The following SELENOI variants were observed in gnomAD, a reference collection of about 807,000 sequenced individuals.
SELENOI encodes the protein selenoprotein I, also known as ethanolaminephosphotransferase 1.
In SELENOI, 24 loss-of-function variants were observed where a neutral mutation model predicts 50.7. That is an observed-to-expected ratio of 0.47 (90% CI 0.34 to 0.67). The LOEUF (loss-of-function observed/expected upper bound fraction) is 0.67, where lower values mean the gene tolerates loss of function less well. Ranked by LOEUF, SELENOI falls within the 30% of genes least tolerant of loss-of-function variation. The pLI is 0.01. For missense variants in SELENOI, 352 were observed against 461.4 expected (o/e 0.76, Z 2.17); for synonymous variants, 155 against 170.2 (o/e 0.91, Z 0.70).
chr2:26,349,345 C>T (rs1373273892), intron 1 of SELENOI, among the ~76,000 whole-genome samples: 32 of 100,186 alleles, frequency 3.2e-4, no homozygotes, highest in Admixed American at 4.3e-4. Context: ...TTGCTTTTGT[C>T]GCCCAGGCTG....
intron 3 of SELENOI, among the ~76,000 whole-genome samples, chr2:26,365,795 CTTTTTTTTTT>C (rs55900237): frequency 1.6e-4 from 17 of 108,384 alleles, no homozygotes; most frequent in South Asian, 9.3e-4. Context: ...ACACTTAAGA[CTTTTTTTTTT>C]TTTTTTTTTT....
intron 1 of SELENOI, among the ~76,000 whole-genome samples, chr2:26,349,670 G>GTTTTTTTTT (rs372398913): frequency 3.5e-5 from 4 of 115,166 alleles, no homozygotes; most frequent in Non-Finnish European, 5.1e-5. Context: ...CTGCAAGTTG[G>GTTTTTTTTT]TTTTTTTTTT....
chr2:26,373,583 ACAC>A lies in SELENOI; in HGVS notation c.528_530del (p.Asn176_Thr177delinsLys). Reference sequence around the variant, plus strand: ...ATCCTGTCCCACTGGGAAAAGTATAACACAGGGATTCTTTTCCTGCCATGGGGA... The same window carrying A: ...ATCCTGTCCCACTGGGAAAAGTATAAAGGGATTCTTTTCCTGCCATGGGGA... On this transcript the variant is annotated inframe_deletion, in exon 5 of 10. Coordinates refer to ENST00000260585, the MANE Select transcript of SELENOI (RefSeq NM_033505.4). 6.2e-7 allele frequency: 1 copy of A among 1,613,948 alleles called. No homozygotes were observed. Among genetic ancestry groups the A allele is most frequent in the South Asian group, 1.1e-5 (1 of 91,054 alleles).
chr2:26,357,629 G>A (rs1025058940), intron 1 of SELENOI, among the ~76,000 whole-genome samples: 1 of 152,210 alleles, frequency 6.6e-6, no homozygotes, highest in African/African-American at 2.4e-5. Flanking sequence ...GCCTGTGGCA[G>A]CGTAACTCCA....
At chr2:26,383,759 A>T (rs1447116915) in intron 7 of SELENOI, among the ~76,000 whole-genome samples, 3 of 152,162 alleles carry the variant, frequency 2.0e-5, no homozygotes, top group Non-Finnish European at 2.9e-5. Context: ...CTGTAATGCT[A>T]GCTACTCAGG....
chr2:26,353,118 A>G (rs11898247), intron 1 of SELENOI, among the ~76,000 whole-genome samples: 64,039 of 152,004 alleles, frequency 0.42, 14,537 homozygotes, highest in Non-Finnish European at 0.51. Context: ...GGAGGAGTCT[A>G]GGATGACTCA....
At chr2:26,376,079 G>A (rs373758491) in intron 6 of SELENOI, among the ~76,000 whole-genome samples, 3 of 142,812 alleles carry the variant, frequency 2.1e-5, no homozygotes, top group Admixed American at 1.5e-4. Context: ...GTGACAGAGC[G>A]AGACCCTGTC....
chr2:26,360,462 G>A (rs114244465), intron 1 of SELENOI, among the ~76,000 whole-genome samples: 4,173 of 152,252 alleles, frequency 0.027, 156 homozygotes, highest in African/African-American at 0.087. Flanking sequence ...TTTTAAAAGC[G>A]GAGCTTTTCA....
At chr2:26,388,360 G>T (rs1360146547) in intron 9 of SELENOI, among the ~76,000 whole-genome samples, 2 of 152,082 alleles carry the variant, frequency 1.3e-5, no homozygotes, top group Non-Finnish European at 1.5e-5. Flanking sequence ...TAAAAACCTG[G>T]AAAATAAATA....
chr2:26,370,754 C>T (rs1167760191), intron 4 of SELENOI, among the ~76,000 whole-genome samples: 2 of 145,906 alleles, frequency 1.4e-5, no homozygotes, highest in Non-Finnish European at 3.1e-5. Flanking sequence ...ACCCCCCCAC[C>T]TCCCTCCCGG....
rs1016996697 is a variant in SELENOI at position 26,395,809 on chromosome 2, T to A, written c.*6706T>A. On this transcript the variant is annotated 3_prime_UTR_variant, in exon 10 of 10. Transcript: ENST00000260585. ...CCCAAAGTAATGCAGTAGGTTTTAA[T>A]TGAAAATTGTTTAATTCTATTATTG... 6.6e-6 allele frequency: 1 copy of A among 152,664 alleles called. No homozygotes were observed. Among genetic ancestry groups the A allele is most frequent in the Non-Finnish European group, 1.5e-5 (1 of 68,036 alleles). 9.5% of individuals were successfully genotyped at this position (152,664 alleles called of 1,614,324 possible).
intron 1 of SELENOI, among the ~76,000 whole-genome samples, chr2:26,357,163 T>G (rs529725645): frequency 6.6e-6 from 1 of 152,332 alleles, no homozygotes; most frequent in African/African-American, 2.4e-5. Flanking sequence ...CATCAGTCCC[T>G]CTCACCAAAC....
intron 3 of SELENOI, 132 bp downstream of exon 3, chr2:26,365,072 A>G (rs1051075740): frequency 1.8e-4 from 102 of 578,740 alleles, no homozygotes; most frequent in Non-Finnish European, 7.8e-5. Flanking sequence ...CACCTTGCCT[A>G]TTGAATTAGA....
intron 5 of SELENOI, 61 bp from the exon 6 acceptor site, chr2:26,374,979 T>C: frequency 8.9e-7 from 1 of 1,127,664 alleles, no homozygotes; most frequent in East Asian, 2.4e-5. Context: ...TAAAGCATGG[T>C]GACTCCTGAT....
intron 1 of SELENOI, among the ~76,000 whole-genome samples, chr2:26,364,078 C>CCTTTTTTT (rs1677236773): frequency 8.7e-6 from 1 of 114,932 alleles, no homozygotes; most frequent in African/African-American, 3.5e-5. Flanking sequence ...CTTTCTCCCC[C>CCTTTTTTT]TTTTTTTTTT....
At chr2:26,350,271 T>C (rs1676929698) in intron 1 of SELENOI, among the ~76,000 whole-genome samples, 1 of 152,150 alleles carries the variant, frequency 6.6e-6, no homozygotes, top group African/African-American at 2.4e-5. Flanking sequence ...AAAGAGAGAT[T>C]GTGTTTGCAT....
At position 26,373,462 on chromosome 2, in the gene SELENOI, T is replaced by G; in HGVS notation, c.406T>G (p.Phe136Val). 2.5e-6 allele frequency: 4 copies of G among 1,613,982 alleles called. No individual in the cohort carries two copies. Among genetic ancestry groups the G allele is most frequent in the Non-Finnish European group, 3.4e-6 (4 of 1,179,864 alleles). The change falls in exon 5 of 10, where the codon TTT (phenylalanine) becomes GTT (valine). Residue 136 changes from phenylalanine (F) to valine (V), a missense_variant. Transcript: ENST00000260585. ...HGLDSWSCVY[F>V]VVTVYSIFGR... ...CCTGGATAGTTGGTCATGTGTTTACTTTGTTGTGACTGTTTATTCCATCTT... is the reference window on the plus strand; with the variant it reads ...CCTGGATAGTTGGTCATGTGTTTACGTTGTTGTGACTGTTTATTCCATCTT...
rs761886827 is a variant in SELENOI at position 26,384,945 on chromosome 2, A to AT, written c.732-5dup. The AT allele has an allele frequency of 3.9e-4, 608 of 1,561,812 alleles. No individual in the cohort carries two copies. The highest frequency in any genetic ancestry group is 5.1e-4 in the Middle Eastern group (3 of 5,872). On this transcript the variant is annotated splice_polypyrimidine_tract_variant and intron_variant, in intron 7 of 9. Coordinates refer to ENST00000260585, the MANE Select transcript of SELENOI (RefSeq NM_033505.4). ...GTAATAATGTTCTTTATATTACTTGATTTTTTTTTCCAGAAGCTATAAAAA... is the reference window on the plus strand; with the variant it reads ...GTAATAATGTTCTTTATATTACTTGATTTTTTTTTTCCAGAAGCTATAAAAA...
Position 26,392,281 on chromosome 2 carries a change from T to C in SELENOI, c.*3178T>C, listed in dbSNP as rs1282900525. 6.6e-6 allele frequency: 1 copy of C among 152,206 alleles called. No homozygotes were observed. The highest frequency in any genetic ancestry group is 2.4e-5 in the African/African-American group (1 of 41,460). The allele number at this position is 152,206 out of a possible 1,614,324, so 9.4% of individuals were successfully genotyped here. ...AGAAGGGACTTTAACATCCTATGAA[T>C]TTGAAACATCCTATGAATTTGAAAG... On this transcript the variant is annotated 3_prime_UTR_variant, in exon 10 of 10. Transcript: ENST00000260585.
Sources: allele counts gnomAD v4.1 joint callset (sites outside exome capture counted in the v4.1 genomes callset), GRCh38; gene constraint gnomAD v4.1.1; transcripts MANE v1.5; gene names NCBI Gene and HGNC (gene_info 2026-07-23, HGNC 2026-07-21).